TMPRSS15: variants seen among roughly 807,000 people sequenced by gnomAD.
TMPRSS15 encodes transmembrane serine protease 15, also known as enteropeptidase.
A neutral mutation model predicts 125.3 loss-of-function variants in TMPRSS15; 128 were observed. The observed-to-expected ratio is 1.02, with a 90% confidence interval of 0.89 to 1.18. The LOEUF is 1.18. Among genes scored for constraint, TMPRSS15 ranks in the 50% most tolerant of loss-of-function variants. The probability of loss-of-function intolerance (pLI) is 0.00; values close to 1 mark genes in which losing one functional copy is unlikely to be tolerated. For missense variants in TMPRSS15, 1,283 were observed against 1,212.7 expected (o/e 1.06, Z -0.86); for synonymous variants, 446 against 423.2 (o/e 1.05, Z -0.66).
chr21:18,364,154 A>G (rs2075704625), intron 7 of TMPRSS15, among the ~76,000 whole-genome samples: 1 of 152,128 alleles, frequency 6.6e-6, no homozygotes, highest in Non-Finnish European at 1.5e-5. Flanking sequence ...ATTATATGTC[A>G]ATATAATGTA....
chr21:18,372,775 C>T (rs1393530242), intron 5 of TMPRSS15, among the ~76,000 whole-genome samples: 3 of 152,212 alleles, frequency 2.0e-5, no homozygotes, highest in African/African-American at 7.2e-5. Flanking sequence ...AGGGGGTACA[C>T]TGTAAACACA....
intron 1 of TMPRSS15, among the ~76,000 whole-genome samples, chr21:18,411,068 C>T (rs886242327): frequency 1.3e-5 from 2 of 151,968 alleles, no homozygotes; most frequent in Non-Finnish European, 2.9e-5. Context: ...ACTAAAAATG[C>T]TTTAAATTAA....
chr21:18,440,015 G>A (rs2076237271), intron 1 of TMPRSS15, among the ~76,000 whole-genome samples: 1 of 152,132 alleles, frequency 6.6e-6, no homozygotes, highest in African/African-American at 2.4e-5. Flanking sequence ...GACCATAGAT[G>A]ACTAGGCAAA....
At chr21:18,397,262 A>C (rs2076049451) in intron 3 of TMPRSS15, among the ~76,000 whole-genome samples, 1 of 152,200 alleles carries the variant, frequency 6.6e-6, no homozygotes, top group South Asian at 2.1e-4. Flanking sequence ...ATACAACAGC[A>C]ACAACAACAC....
At chr21:18,274,086 G>A (rs915554848) in intron 24 of TMPRSS15, among the ~76,000 whole-genome samples, 2 of 152,148 alleles carry the variant, frequency 1.3e-5, no homozygotes, top group African/African-American at 4.8e-5. Flanking sequence ...GGTCAGTAAT[G>A]CTAGCAGGTT....
At chr21:18,305,459 A>G (rs868364578) in intron 18 of TMPRSS15, among the ~76,000 whole-genome samples, 1 of 152,246 alleles carries the variant, frequency 6.6e-6, no homozygotes, top group South Asian at 2.1e-4. Context: ...AAGTGCTGGG[A>G]TTACAGGCGT....
intron 13 of TMPRSS15, among the ~76,000 whole-genome samples, chr21:18,335,719 C>A (rs1011509627): frequency 6.6e-6 from 1 of 152,160 alleles, no homozygotes; most frequent in African/African-American, 2.4e-5. Context: ...GGTAAAAACA[C>A]TTTAAGTCAT....
chr21:18,298,563 A>T (rs1186870441), intron 18 of TMPRSS15, among the ~76,000 whole-genome samples: 1 of 152,188 alleles, frequency 6.6e-6, no homozygotes, highest in Admixed American at 6.5e-5. Flanking sequence ...CTCTAATTGA[A>T]GATTTCTCTT....
rs115396874 is a variant in TMPRSS15 at position 18,374,898 on chromosome 21, G to A, written c.533-2574C>T. Reference sequence around the variant, plus strand: ...ACGTTTGCTTCTGAACAAGATTAGTGGAGGTGAAGAATGGGATGCTAAGGA... The same window carrying A: ...ACGTTTGCTTCTGAACAAGATTAGTAGAGGTGAAGAATGGGATGCTAAGGA... On this transcript the variant is annotated intron_variant, in intron 5 of 24. Transcript: ENST00000284885. Among the ~76,000 whole-genome samples, 478 of 152,302 alleles carry A rather than the reference G, an allele frequency of 3.1e-3. 1 individual carries two copies. The highest frequency in any genetic ancestry group is 0.011 in the African/African-American group (458 of 41,568).
intron 10 of TMPRSS15, among the ~76,000 whole-genome samples, chr21:18,346,281 G>A (rs1195538269): frequency 6.6e-6 from 1 of 152,016 alleles, no homozygotes; most frequent in Non-Finnish European, 1.5e-5. Context: ...TTTGCCCTAA[G>A]GGATCACTTG....
chr21:18,320,467 A>T (rs2075222403), intron 16 of TMPRSS15, among the ~76,000 whole-genome samples: 1 of 152,184 alleles, frequency 6.6e-6, no homozygotes, highest in Non-Finnish European at 1.5e-5. Context: ...ACTAATGTAG[A>T]TAGGCAACAT....
At chr21:18,421,056 T>A (rs1241555598) in intron 1 of TMPRSS15, among the ~76,000 whole-genome samples, 1 of 152,154 alleles carries the variant, frequency 6.6e-6, no homozygotes, top group Admixed American at 6.6e-5. Flanking sequence ...ACTAAGATAT[T>A]CTCTTTTGTA....
At chr21:18,440,718 G>A (rs1176854810) in intron 1 of TMPRSS15, among the ~76,000 whole-genome samples, 1 of 152,002 alleles carries the variant, frequency 6.6e-6, no homozygotes, top group Non-Finnish European at 1.5e-5. Context: ...CAAATGGTTT[G>A]CTAAATTCTT....
chr21:18,330,658 T>C (rs2075335218), intron 14 of TMPRSS15, among the ~76,000 whole-genome samples: 2 of 152,246 alleles, frequency 1.3e-5, no homozygotes. Context: ...AAATAAAGTA[T>C]TGAATACACA....
intron 1 of TMPRSS15, among the ~76,000 whole-genome samples, chr21:18,412,644 G>T (rs1235332644): frequency 3.9e-5 from 6 of 152,132 alleles, no homozygotes; most frequent in Non-Finnish European, 7.4e-5. Context: ...GAACAAAGTG[G>T]CCAGGTATGT....
chr21:18,276,710 C>G (rs988139803), intron 23 of TMPRSS15, among the ~76,000 whole-genome samples: 15 of 150,892 alleles, frequency 9.9e-5, no homozygotes, highest in Non-Finnish European at 2.1e-4. Context: ...GTTTTCCTAG[C>G]TAATCAATTA....
intron 1 of TMPRSS15, among the ~76,000 whole-genome samples, chr21:18,470,303 C>A (rs982827711): frequency 2.0e-5 from 3 of 148,528 alleles, no homozygotes; most frequent in Non-Finnish European, 2.9e-5. Context: ...TCCTATATTC[C>A]TTATCAATAC....
At position 18,427,311 on chromosome 21, in the gene TMPRSS15, AT is replaced by A. The variant is rs768428553; in HGVS notation, c.11-28983del. On this transcript the variant is annotated intron_variant, in intron 1 of 7. Coordinates refer to the TMPRSS15 transcript ENST00000422787. ...TGTGAAAGTGTACAGCTTTTTTAGA[AT>A]TATAGTCAGTCTAACCCTCTAAGCC... is the stretch of plus-strand genomic sequence containing the variant. Among the ~76,000 whole-genome samples the A allele has an allele frequency of 6.6e-5, 10 of 152,158 alleles. No homozygotes were observed. In the South Asian group the frequency reaches 2.1e-3, roughly 32 times the overall value.
intron 13 of TMPRSS15, among the ~76,000 whole-genome samples, chr21:18,337,482 T>G (rs2075403250): frequency 6.6e-6 from 1 of 152,238 alleles, no homozygotes; most frequent in South Asian, 2.1e-4. Flanking sequence ...GGAATGTTTA[T>G]TCTCTTAAAG....
Sources: allele counts gnomAD v4.1 joint callset (sites outside exome capture counted in the v4.1 genomes callset), GRCh38; gene constraint gnomAD v4.1.1; transcripts MANE v1.5; gene names NCBI Gene and HGNC (gene_info 2026-07-23, HGNC 2026-07-21).